The following KCNQ1 variants were observed in gnomAD, a reference collection of about 807,000 sequenced individuals.
KCNQ1 encodes the protein potassium voltage-gated channel subfamily Q member 1.
Under a neutral mutation model 72.4 loss-of-function variants are expected in KCNQ1, and 49 were observed. That is an observed-to-expected ratio of 0.68 (90% CI 0.54 to 0.86). KCNQ1 has a LOEUF of 0.86. Among genes scored for constraint, KCNQ1 ranks in the 40% least tolerant of loss-of-function variants. The pLI is 0.00. For synonymous variants in KCNQ1, 450 were observed against 412.6 expected (o/e 1.09, Z -1.10); for missense variants, 790 against 945.1 (o/e 0.84, Z 2.15).
chr11:2,751,180 T>A (rs1433276555), intron 11 of KCNQ1, among the ~76,000 whole-genome samples: 1 of 152,124 alleles, frequency 6.6e-6, no homozygotes. Context: ...GCTCCGCTCG[T>A]CCCTCTGAGC....
chr11:2,512,050 G>A (rs932240191), intron 1 of KCNQ1, among the ~76,000 whole-genome samples: 8 of 152,238 alleles, frequency 5.3e-5, no homozygotes, highest in African/African-American at 1.7e-4. Context: ...CAGGGGCTGC[G>A]CTGTCGGGCT....
At position 2,720,096 on chromosome 11, in the gene KCNQ1, C is replaced by G. The variant is rs569919676; in HGVS notation, c.1515-48748C>G. Among the ~76,000 whole-genome samples the G allele has an allele frequency of 6.6e-6, 1 of 152,216 alleles. No individual in the cohort carries two copies. Among genetic ancestry groups the G allele is most frequent in the Non-Finnish European group, 1.5e-5 (1 of 68,042 alleles). Reference sequence around the variant, plus strand: ...TCCATGCCAGCTCACTGGAGGGGCTCCTGCTGAAAGAGGTGGGGTTCAGTT... The same window carrying G: ...TCCATGCCAGCTCACTGGAGGGGCTGCTGCTGAAAGAGGTGGGGTTCAGTT... On this transcript the variant is annotated intron_variant, in intron 11 of 15. Coordinates refer to ENST00000155840, the MANE Select transcript of KCNQ1 (RefSeq NM_000218.3). The surrounding 1 kb of genome is among the most constrained non-coding windows in gnomAD (Gnocchi z 5.1).
intron 1 of KCNQ1, among the ~76,000 whole-genome samples, chr11:2,449,778 C>T (rs984460986): frequency 4.6e-5 from 7 of 152,104 alleles, no homozygotes; most frequent in African/African-American, 9.7e-5. Flanking sequence ...CGTTGGGTGC[C>T]GAGAATTCCC....
intron 6 of KCNQ1, among the ~76,000 whole-genome samples, chr11:2,581,842 A>C (rs1241982537): frequency 1.3e-5 from 2 of 152,212 alleles, no homozygotes; most frequent in Non-Finnish European, 2.9e-5. Flanking sequence ...GCCTGGCAGT[A>C]AACAGCTTCC....
chr11:2,664,225 G>A lies in KCNQ1; in HGVS notation c.1514+2144G>A, dbSNP rs1850021864. 7.5e-6 allele frequency: 3 copies of A among 398,932 alleles called. No individual in the cohort carries two copies. The highest frequency in any genetic ancestry group is 1.3e-5 in the Non-Finnish European group (3 of 226,384). 24.7% of individuals were successfully genotyped at this position (398,932 alleles called of 1,614,324 possible). On this transcript the variant is annotated intron_variant, in intron 11 of 15. Transcript: ENST00000155840. This position sits in a 1 kb window ranked among gnomAD's most constrained non-coding sequence, Gnocchi z 5.1. ...GAAGGAGCCCAGGCATGGGGCTTGG[G>A]GTGAGGGATCTGAAGAGGGGACTGG...
In KCNQ1 at chr11:2,642,101, C is replaced by G. The variant is rs2133830945; in HGVS notation, c.1394-19860C>G. ...TTTGCTCAGAATTGCTGTGGCTATT[C>G]CAGCTCTTTTTTGGTTCCATCTGAA... On this transcript the variant is annotated intron_variant, in intron 10 of 15. Transcript: ENST00000155840. This position sits in a 1 kb window ranked among gnomAD's most constrained non-coding sequence, Gnocchi z 4.3. 1 of 398,366 alleles carries G rather than the reference C, an allele frequency of 2.5e-6. No individual in the cohort carries two copies. Among genetic ancestry groups the G allele is most frequent in the Non-Finnish European group, 4.4e-6 (1 of 225,936 alleles). 24.7% of individuals were successfully genotyped at this position (398,366 alleles called of 1,614,324 possible).
chr11:2,685,006 C>A, intron 11 of KCNQ1: 1 of 398,658 alleles, frequency 2.5e-6, no homozygotes, highest in Non-Finnish European at 4.4e-6. Flanking sequence ...TCATTCATAT[C>A]TTCTTGCCAT....
Position 2,679,406 on chromosome 11 carries a change from C to A in KCNQ1, c.1514+17325C>A. Reference sequence around the variant, plus strand: ...GTTTCTTTATTTGTAAAATGGGAATCATAAGAGTACCTTCCTCAGAGGGTT... The same window carrying A: ...GTTTCTTTATTTGTAAAATGGGAATAATAAGAGTACCTTCCTCAGAGGGTT... On this transcript the variant is annotated intron_variant, in intron 11 of 15. Coordinates refer to ENST00000155840, the MANE Select transcript of KCNQ1 (RefSeq NM_000218.3). This position sits in a 1 kb window ranked among gnomAD's most constrained non-coding sequence, Gnocchi z 4.8. 2.5e-6 allele frequency: 1 copy of A among 398,578 alleles called. No individual in the cohort carries two copies. The highest frequency in any genetic ancestry group is 1.3e-4 in the South Asian group (1 of 7,844). 24.7% of individuals were successfully genotyped at this position (398,578 alleles called of 1,614,324 possible).
At position 2,583,493 on chromosome 11, in the gene KCNQ1, C is replaced by G. The variant is rs756988385; in HGVS notation, c.980C>G (p.Thr327Ser). Residue 327 changes from threonine to serine, a missense_variant, in exon 7 of 16, where the codon ACC (threonine) becomes AGC (serine). Thr to Ser is a moderately conservative substitution (Grantham distance 58, BLOSUM62 1). Transcript: ENST00000155840. ...GTGCCCCAGACGTGGGTCGGGAAGA[C>G]CATCGCCTCCTGCTTCTCTGTCTTT... ...DKVPQTWVGK[T>S]IASCFSVFAI... 1 of 1,614,088 alleles carries G rather than the reference C, an allele frequency of 6.2e-7. No individual in the cohort carries two copies. The highest frequency in any genetic ancestry group is 1.1e-5 in the South Asian group (1 of 91,084).
Position 2,612,936 on chromosome 11 carries a change from T to C in KCNQ1, c.1393+24082T>C. ...CTCGCTTGTGTATGCCTTCTCTGCA[T>C]GGATTCTGCAGAGTCTGTGTTCTCC... On this transcript the variant is annotated intron_variant, in intron 10 of 15. Transcript: ENST00000155840. The surrounding 1 kb of genome is among the most constrained non-coding windows in gnomAD (Gnocchi z 5.5). 1 of 398,620 alleles carries C rather than the reference T, an allele frequency of 2.5e-6. No homozygotes were observed. The highest frequency in any genetic ancestry group is 4.4e-6 in the Non-Finnish European group (1 of 226,052). The allele number at this position is 398,620 out of a possible 1,614,324, so 24.7% of individuals were successfully genotyped here. A position where few individuals can be genotyped will look rare whatever the true frequency, so the allele number is the denominator to read the frequency against.
At chr11:2,467,248 G>C (rs1239255212) in intron 1 of KCNQ1, among the ~76,000 whole-genome samples, 1 of 152,196 alleles carries the variant, frequency 6.6e-6, no homozygotes, top group Non-Finnish European at 1.5e-5. Flanking sequence ...GGCTCCATGG[G>C]GTGGGCTGAG....
rs1353297760 is a variant in KCNQ1 at position 2,483,250 on chromosome 11, G to A, written c.386+37766G>A. Among the ~76,000 whole-genome samples the A allele has an allele frequency of 6.6e-6, 1 of 152,280 alleles. No homozygotes were observed. The highest frequency in any genetic ancestry group is 2.1e-4 in the South Asian group (1 of 4,814). The stretch of plus-strand genomic sequence containing the variant: ...GTTAAGATCCTGAGAGCAATGCGGG[G>A]GGTGTGAGTGATGAGGGACAACATC... On this transcript the variant is annotated intron_variant, in intron 1 of 15. Coordinates refer to ENST00000155840, the MANE Select transcript of KCNQ1 (RefSeq NM_000218.3). This position sits in a 1 kb window ranked among gnomAD's most constrained non-coding sequence, Gnocchi z 6.1.
chr11:2,541,113 C>A lies in KCNQ1; in HGVS notation c.477+13095C>A, dbSNP rs938771320. On this transcript the variant is annotated intron_variant, in intron 2 of 15. Transcript: ENST00000155840. This position sits in a 1 kb window ranked among gnomAD's most constrained non-coding sequence, Gnocchi z 4.8. ...CATGCACACGTGCACACGTGCACACCCAGCCCTGGACCTCAGGCAGGCAGG... is the reference window on the plus strand; with the variant it reads ...CATGCACACGTGCACACGTGCACACACAGCCCTGGACCTCAGGCAGGCAGG... Among the ~76,000 whole-genome samples, 1 of 152,232 alleles carries A rather than the reference C, an allele frequency of 6.6e-6. No individual in the cohort carries two copies. Among genetic ancestry groups the A allele is most frequent in the Non-Finnish European group, 1.5e-5 (1 of 68,032 alleles).
chr11:2,539,543 CT>C (rs1256311027), intron 2 of KCNQ1, among the ~76,000 whole-genome samples: 6 of 152,196 alleles, frequency 3.9e-5, no homozygotes, highest in Non-Finnish European at 8.8e-5. Flanking sequence ...AAGCCGATGG[CT>C]GTGCTGGCCG....
intron 10 of KCNQ1, among the ~76,000 whole-genome samples, chr11:2,606,775 G>T (rs1485633396): frequency 6.6e-6 from 1 of 151,842 alleles, no homozygotes; most frequent in Non-Finnish European, 1.5e-5. Context: ...AAATTATCCT[G>T]GATGGAACAC....
intron 1 of KCNQ1, 119 bp from the exon 2 acceptor site, chr11:2,527,809 G>A (rs758865865): frequency 2.5e-5 from 21 of 839,524 alleles, no homozygotes; most frequent in East Asian, 1.7e-4. Flanking sequence ...CTGGGTTTTC[G>A]AAGCACTGTC....
At chr11:2,655,058 T>A (rs1407992266) in intron 10 of KCNQ1, 52 of 398,516 alleles carry the variant, frequency 1.3e-4, no homozygotes, top group Non-Finnish European at 1.3e-5. Context: ...ATCTGTTTCC[T>A]TCTAGTCTTT....
At chr11:2,634,815 A>G (rs1849430074) in intron 10 of KCNQ1, 1 of 152,124 alleles carries the variant, frequency 6.6e-6, no homozygotes, top group Non-Finnish European at 1.5e-5. Flanking sequence ...AAGCGTTCCT[A>G]TTTCTCCACA....
chr11:2,539,309 G>A (rs1054315538), intron 2 of KCNQ1, among the ~76,000 whole-genome samples: 2 of 152,224 alleles, frequency 1.3e-5, no homozygotes, highest in African/African-American at 2.4e-5. Context: ...CCTACCTGCT[G>A]CTGCCTGAAG....
Sources: allele counts gnomAD v4.1 joint callset (sites outside exome capture counted in the v4.1 genomes callset), GRCh38; gene constraint gnomAD v4.1.1; non-coding constraint Gnocchi (gnomAD v3.1); transcripts MANE v1.5; gene names NCBI Gene and HGNC (gene_info 2026-07-23, HGNC 2026-07-21).